The following PRAG1 variants were observed in gnomAD, a reference collection of about 807,000 sequenced individuals.
PRAG1 encodes the protein PEAK1 related, kinase-activating pseudokinase 1.
In PRAG1, 110 loss-of-function variants were observed where a neutral mutation model predicts 95.6. The ratio of observed to expected loss-of-function variants is 1.15; its 90% CI spans 0.99 to 1.35. The LOEUF (loss-of-function observed/expected upper bound fraction) is 1.35. PRAG1 is among the 40% of genes most tolerant of loss of function. The pLI is 0.00. For missense variants in PRAG1, 2,554 were observed against 1,864.7 expected (o/e 1.37, Z -6.81); for synonymous variants, 1,052 against 819.4 (o/e 1.28, Z -4.85).
chr8:8,368,156 C>T (rs1157800041), intron 3 of PRAG1, among the ~76,000 whole-genome samples: 1 of 152,152 alleles, frequency 6.6e-6, no homozygotes, highest in East Asian at 1.9e-4. Flanking sequence ...TTGGGGGGAA[C>T]ATTCAACAGT....
At chr8:8,363,316 G>A (rs1799904025) in intron 3 of PRAG1, among the ~76,000 whole-genome samples, 1 of 151,974 alleles carries the variant, frequency 6.6e-6, no homozygotes, top group Admixed American at 6.6e-5. Context: ...CCAGGACACT[G>A]GAAAAAGACC....
In PRAG1 at chr8:8,322,139, T is replaced by G. The variant is rs116527154; in HGVS notation, c.3073-2837A>C. ...GGAACACTAGACAGCACTTCAGCCC[T>G]ATGCTTCGGCCATTTTATTTTATAT... On this transcript the variant is annotated intron_variant, in intron 5 of 5. Transcript: ENST00000615670. Among the ~76,000 whole-genome samples the G allele has an allele frequency of 4.0e-3, 611 of 152,332 alleles. 7 individuals carry two copies. The highest frequency in any genetic ancestry group is 0.014 in the African/African-American group (591 of 41,588).
chr8:8,355,561 T>G (rs1020367412), intron 3 of PRAG1, among the ~76,000 whole-genome samples: 3 of 152,106 alleles, frequency 2.0e-5, no homozygotes, highest in Non-Finnish European at 4.4e-5. Flanking sequence ...AAGAATATGG[T>G]AGTGGCATAA....
intron 5 of PRAG1, among the ~76,000 whole-genome samples, chr8:8,319,887 A>G (rs1182475227): frequency 6.6e-6 from 1 of 152,244 alleles, no homozygotes; most frequent in Non-Finnish European, 1.5e-5. Context: ...TCAAAACCAC[A>G]GTGAGATATC....
intron 3 of PRAG1, among the ~76,000 whole-genome samples, chr8:8,365,777 A>G (rs1799982400): frequency 6.7e-6 from 1 of 149,544 alleles, no homozygotes; most frequent in African/African-American, 2.5e-5. Context: ...AGCCTGGCCA[A>G]TGTGGTGAAA....
chr8:8,319,344 G>A (rs376066922), intron 5 of PRAG1, 42 bp from the exon 6 acceptor site: 30 of 1,461,764 alleles, frequency 2.1e-5, no homozygotes, highest in Non-Finnish European at 2.6e-5. Flanking sequence ...TGGGGCCCAT[G>A]GTTCCGCCCA....
At chr8:8,353,236 C>T (rs1799581987) in intron 3 of PRAG1, among the ~76,000 whole-genome samples, 1 of 152,168 alleles carries the variant, frequency 6.6e-6, no homozygotes, top group Non-Finnish European at 1.5e-5. Context: ...ATATATAGAA[C>T]TTTCCATATA....
At chr8:8,373,742 T>G (rs921442053) in intron 3 of PRAG1, among the ~76,000 whole-genome samples, 5 of 152,196 alleles carry the variant, frequency 3.3e-5, no homozygotes, top group African/African-American at 9.6e-5. Flanking sequence ...CATGAGCCAC[T>G]AAGTCCGGCC....
chr8:8,318,826 A>AGAGGAGCAGG lies in PRAG1; in HGVS notation c.3539_3548dup (p.Ala1184LeufsTer74). ...GAGTGCCACCAGCAGGCGGGGCGGC[A>AGAGGAGCAGG]GAGGAGCAGGGAGGCGCGGCGGCGG... On this transcript the variant is annotated frameshift_variant, in exon 6 of 6. Transcript: ENST00000615670. LOFTEE classifies it high-confidence loss of function. This position sits in a 1 kb window ranked among gnomAD's most constrained non-coding sequence, Gnocchi z 4.2. 7.9e-7 allele frequency: 1 copy of AGAGGAGCAGG among 1,270,650 alleles called. No homozygotes were observed. The highest frequency in any genetic ancestry group is 1.9e-5 in the African/African-American group (1 of 51,444). 78.7% of individuals were successfully genotyped at this position (1,270,650 alleles called of 1,614,324 possible).
chr8:8,356,460 C>G (rs2116879612), intron 3 of PRAG1, among the ~76,000 whole-genome samples: 1 of 152,302 alleles, frequency 6.6e-6, no homozygotes, highest in Non-Finnish European at 1.5e-5. Flanking sequence ...ATCCTCCTGC[C>G]TCAGCCTCCC....
intron 4 of PRAG1, among the ~76,000 whole-genome samples, chr8:8,334,734 A>G (rs1479871447): frequency 1.3e-5 from 2 of 150,986 alleles, no homozygotes; most frequent in African/African-American, 4.9e-5. Flanking sequence ...ATCTCCTGTT[A>G]TAACATAATC....
At chr8:8,375,735 G>A (rs1488945813) in intron 3 of PRAG1, among the ~76,000 whole-genome samples, 1 of 151,922 alleles carries the variant, frequency 6.6e-6, no homozygotes, top group Admixed American at 6.6e-5. Context: ...ATGTTACCTA[G>A]GCTGGTCTCA....
chr8:8,319,427 T>A, intron 5 of PRAG1, 125 bp from the exon 6 acceptor site: 3 of 633,104 alleles, frequency 4.7e-6, no homozygotes, highest in Non-Finnish European at 7.2e-6. Context: ...GTAAGAGCAA[T>A]CCATACACAT....
At chr8:8,322,169 AGTTTT>A (rs577925600) in intron 5 of PRAG1, among the ~76,000 whole-genome samples, 36 of 152,072 alleles carry the variant, frequency 2.4e-4, no homozygotes, top group South Asian at 4.2e-4. Context: ...TTATATATAT[AGTTTT>A]GTTTTGTTTT....
chr8:8,364,412 T>C (rs370811627), intron 3 of PRAG1, among the ~76,000 whole-genome samples: 50 of 152,322 alleles, frequency 3.3e-4, no homozygotes, highest in African/African-American at 1.2e-3. Context: ...TGTTAATGCC[T>C]TGTCAGTCTT....
intron 3 of PRAG1, 30 bp downstream of exon 3, chr8:8,376,192 TCTGGAAGAGCCCTTTGCCCTGCAGA>T: frequency 1.3e-6 from 2 of 1,567,802 alleles, no homozygotes; most frequent in Non-Finnish European, 1.7e-6. Context: ...AAAGGTTTCT[TCTGGAAGAGCCCTTTGCCCTGCAGA>T]CAGAGTCCCA....
At chr8:8,354,518 T>C (rs1299244208) in intron 3 of PRAG1, among the ~76,000 whole-genome samples, 1 of 152,188 alleles carries the variant, frequency 6.6e-6, no homozygotes, top group Non-Finnish European at 1.5e-5. Flanking sequence ...TGATGAATAT[T>C]AATTCAATTC....
At chr8:8,381,378 C>A (rs1251519996) in intron 2 of PRAG1, 40 bp downstream of exon 2, 1 of 1,561,992 alleles carries the variant, frequency 6.4e-7, no homozygotes, top group East Asian at 2.3e-5. Context: ...CAAACAGGAG[C>A]AGCCCCTGTA....
In PRAG1 at chr8:8,376,542, G is replaced by C. The variant is rs536865105; in HGVS notation, c.1867C>G (p.Gln623Glu). ...CCTGCCTGGAACCTGGGCCGCCTCT[G>C]TTCCGAGGCTGACGAGGCGGCAGGC... ...PQPAASSASE[Q>E]RRPRFQAGTW... is the part of the protein sequence containing the mutation. The change falls in exon 3 of 6, where the codon CAG (glutamine) becomes GAG (glutamate). Residue 623 changes from glutamine to glutamate, a missense_variant. Transcript: ENST00000615670. 47 of 1,609,968 alleles carry C rather than the reference G, an allele frequency of 2.9e-5. No individual in the cohort carries two copies. The East Asian group carries it at 6.9e-4, about 24-fold the overall frequency.
Sources: allele counts gnomAD v4.1 joint callset (sites outside exome capture counted in the v4.1 genomes callset), GRCh38; gene constraint gnomAD v4.1.1; non-coding constraint Gnocchi (gnomAD v3.1); transcripts MANE v1.5; gene names NCBI Gene and HGNC (gene_info 2026-07-23, HGNC 2026-07-21).